The following SLC12A1 variants were observed in gnomAD, a reference collection of about 807,000 sequenced individuals.
The protein encoded by SLC12A1 is solute carrier family 12 member 1, also known as Na-K-2Cl cotransporter.
A neutral mutation model predicts 130.4 loss-of-function variants in SLC12A1; 89 were observed. The observed-to-expected ratio is 0.68, with a 90% CI of 0.58 to 0.81. SLC12A1 has a LOEUF of 0.81. SLC12A1 is among the 40% of genes least tolerant of loss of function. SLC12A1 has a pLI of 0.00. For missense variants in SLC12A1, 1,310 were observed against 1,336.4 expected (o/e 0.98, Z 0.31); for synonymous variants, 499 against 460.0 (o/e 1.08, Z -1.09).
intron 2 of SLC12A1, among the ~76,000 whole-genome samples, chr15:48,219,151 C>G (rs187531119): frequency 3.8e-4 from 58 of 152,302 alleles, no homozygotes; most frequent in African/African-American, 1.3e-3. Context: ...AAAGGCATAA[C>G]GGAATCTCAA....
intron 15 of SLC12A1, 57 bp from the exon 16 acceptor site, chr15:48,255,754 A>T: frequency 9.4e-7 from 1 of 1,066,582 alleles, no homozygotes. Flanking sequence ...AAAATTATTC[A>T]TGGTGCACAG....
At chr15:48,226,239 T>C (rs1191004220) in intron 4 of SLC12A1, 5 of 448,214 alleles carry the variant, frequency 1.1e-5, no homozygotes, top group Admixed American at 4.6e-5. Flanking sequence ...ACTTTTCCTT[T>C]CCAAGTCTGC....
At chr15:48,283,959 A>T (rs1470478117) in intron 20 of SLC12A1, among the ~76,000 whole-genome samples, 1 of 152,236 alleles carries the variant, frequency 6.6e-6, no homozygotes, top group Non-Finnish European at 1.5e-5. Flanking sequence ...GGGTGAGGTC[A>T]AAGAGAGATC....
At chr15:48,259,474 C>A (rs577774564) in intron 17 of SLC12A1, among the ~76,000 whole-genome samples, 163 bp downstream of exon 17, 1 of 152,104 alleles carries the variant, frequency 6.6e-6, no homozygotes, top group East Asian at 1.9e-4. Flanking sequence ...AGCAAGAGCC[C>A]GTGATCCTGA....
rs2042257677 is a variant in SLC12A1 at position 48,303,577 on chromosome 15, CT to C, written c.*693del. ...TGCTGCTGCCTGAAAAGTATATTAA[CT>C]AGATTAGAAGACACCATATACTCCA... On this transcript the variant is annotated 3_prime_UTR_variant, in exon 27 of 27. Coordinates refer to ENST00000380993, the MANE Select transcript of SLC12A1 (RefSeq NM_000338.3). 6.6e-6 allele frequency: 1 copy of C among 152,130 alleles called. No individual in the cohort carries two copies. The highest frequency in any genetic ancestry group is 1.5e-5 in the Non-Finnish European group (1 of 68,012). 9.4% of individuals were successfully genotyped at this position (152,130 alleles called of 1,614,324 possible).
chr15:48,303,015 T>C lies in SLC12A1; in HGVS notation c.*130T>C, dbSNP rs554898953. 3 of 636,904 alleles carry C rather than the reference T, an allele frequency of 4.7e-6. No homozygotes were observed. In the African/African-American group the frequency reaches 5.6e-5, roughly 12 times the overall value. 39.5% of individuals were successfully genotyped at this position (636,904 alleles called of 1,614,324 possible). A position where few individuals can be genotyped will look rare whatever the true frequency, so the allele number is the denominator to read the frequency against. On this transcript the variant is annotated 3_prime_UTR_variant, in exon 27 of 27. Coordinates refer to ENST00000380993, the MANE Select transcript of SLC12A1 (RefSeq NM_000338.3). ...GGAGAGGATCCTACCAGATTCTACA[T>C]ACATTGCATAATTTTTATCAGTTAA... is the stretch of plus-strand genomic sequence containing the variant.
intron 14 of SLC12A1, among the ~76,000 whole-genome samples, chr15:48,251,128 G>A (rs1313720064): frequency 6.6e-6 from 1 of 151,976 alleles, no homozygotes; most frequent in Non-Finnish European, 1.5e-5. Context: ...TTAGGGTAAT[G>A]GAAGCTACCA....
At chr15:48,271,706 C>T (rs2041900772) in intron 19 of SLC12A1, among the ~76,000 whole-genome samples, 1 of 152,132 alleles carries the variant, frequency 6.6e-6, no homozygotes. Flanking sequence ...AAGCCTGGGG[C>T]CACGTACTGT....
At chr15:48,224,261 G>C (rs1345798946) in intron 4 of SLC12A1, 3 of 152,222 alleles carry the variant, frequency 2.0e-5, no homozygotes, top group East Asian at 1.9e-4. Context: ...GCCTCCATTA[G>C]AGAGGGTATT....
rs1217264371 is a variant in SLC12A1 at position 48,220,902 on chromosome 15, A to G, written c.553-19A>G. 14 of 1,613,668 alleles carry G rather than the reference A, an allele frequency of 8.7e-6. No homozygotes were observed. The highest frequency in any genetic ancestry group is 1.1e-5 in the Non-Finnish European group (13 of 1,179,696). ...CTATCGTTTGTCCTGTCTCCTTTCA[A>G]TACCGCTTCTATCCACAGGTAAGAT... On this transcript the variant is annotated intron_variant, in intron 3 of 26. Transcript: ENST00000380993.
intron 10 of SLC12A1, among the ~76,000 whole-genome samples, chr15:48,244,333 A>G (rs34700907): frequency 0.13 from 19,660 of 152,176 alleles, 2,278 homozygotes; most frequent in African/African-American, 0.3. Context: ...TCTCTTAATC[A>G]CTATAATAGA....
At chr15:48,274,803 C>T (rs1218875874) in intron 20 of SLC12A1, 150 bp downstream of exon 20, 14 of 544,096 alleles carry the variant, frequency 2.6e-5, no homozygotes, top group Non-Finnish European at 3.2e-5. Flanking sequence ...CATATAGTTC[C>T]CCCAGTATTT....
At chr15:48,298,894 A>G (rs147247410) in intron 24 of SLC12A1, among the ~76,000 whole-genome samples, 23 of 152,356 alleles carry the variant, frequency 1.5e-4, no homozygotes, top group Non-Finnish European at 2.8e-4. Context: ...GTGTGTTAAT[A>G]TTGAAGATCT....
intron 21 of SLC12A1, among the ~76,000 whole-genome samples, chr15:48,285,954 T>C (rs1327822998): frequency 2.0e-5 from 3 of 152,194 alleles, no homozygotes; most frequent in Non-Finnish European, 4.4e-5. Flanking sequence ...AATCAGAATG[T>C]TACCAGGCAT....
intron 9 of SLC12A1, chr15:48,235,267 T>G: frequency 4.7e-6 from 2 of 428,870 alleles, no homozygotes. Flanking sequence ...CCAAAATAAA[T>G]GTAGTTCAGT....
At chr15:48,262,028 T>G (rs1011694996) in intron 17 of SLC12A1, among the ~76,000 whole-genome samples, 14 of 152,172 alleles carry the variant, frequency 9.2e-5, no homozygotes, top group African/African-American at 3.4e-4. Context: ...TCATTGTTAT[T>G]GTGATATTGT....
At chr15:48,247,869 T>C (rs931498354) in intron 13 of SLC12A1, among the ~76,000 whole-genome samples, 2 of 152,174 alleles carry the variant, frequency 1.3e-5, no homozygotes, top group Non-Finnish European at 2.9e-5. Flanking sequence ...TTTGGGAAAG[T>C]GTGGAGACTT....
chr15:48,277,462 C>A (rs2041965699), intron 20 of SLC12A1, among the ~76,000 whole-genome samples: 1 of 140,564 alleles, frequency 7.1e-6, no homozygotes, highest in African/African-American at 2.7e-5. Flanking sequence ...TTCTATTAAG[C>A]TGGAGCAATG....
chr15:48,228,135 C>G (rs903170090), intron 5 of SLC12A1: 1 of 152,196 alleles, frequency 6.6e-6, no homozygotes, highest in African/African-American at 2.4e-5. Context: ...TATAGGAAGT[C>G]ATAATCTTAC....
Sources: allele counts gnomAD v4.1 joint callset (sites outside exome capture counted in the v4.1 genomes callset), GRCh38; gene constraint gnomAD v4.1.1; transcripts MANE v1.5; gene names NCBI Gene and HGNC (gene_info 2026-07-23, HGNC 2026-07-21).